The following TBC1D22A variants were observed in gnomAD, a reference collection of about 807,000 sequenced individuals.
TBC1D22A encodes the protein TBC1 domain family member 22A.
Under a neutral mutation model 60.2 loss-of-function variants are expected in TBC1D22A, and 38 were observed. That is an observed-to-expected ratio of 0.63 (90% CI 0.49 to 0.83). TBC1D22A has a LOEUF of 0.83. Among genes scored for constraint, TBC1D22A ranks in the 40% least tolerant of loss-of-function variants. TBC1D22A has a pLI of 0.00. For synonymous variants in TBC1D22A, 302 were observed against 281.7 expected (o/e 1.07, Z -0.72); for missense variants, 628 against 701.0 (o/e 0.90, Z 1.18).
chr22:47,054,286 G>A (rs550616570), intron 11 of TBC1D22A, among the ~76,000 whole-genome samples: 6 of 152,332 alleles, frequency 3.9e-5, no homozygotes, highest in East Asian at 3.9e-4. Context: ...AGTTAGAAAC[G>A]AGTGGACTTG....
At chr22:47,140,075 T>G (rs1182720150) in intron 12 of TBC1D22A, among the ~76,000 whole-genome samples, 6 of 152,232 alleles carry the variant, frequency 3.9e-5, no homozygotes, top group Admixed American at 3.9e-4. Context: ...ACACCCACAG[T>G]GAAGCCCAGC....
chr22:47,019,816 G>A (rs564669609), intron 10 of TBC1D22A, among the ~76,000 whole-genome samples: 2 of 135,100 alleles, frequency 1.5e-5, no homozygotes, highest in East Asian at 4.4e-4. Context: ...TCCATCCTTC[G>A]CTTCTCCCTT....
intron 5 of TBC1D22A, among the ~76,000 whole-genome samples, chr22:46,881,434 C>T (rs975253032): frequency 7.9e-5 from 12 of 152,182 alleles, no homozygotes; most frequent in Non-Finnish European, 1.5e-4. Context: ...TACGTGGAGA[C>T]GGATCCCATT....
intron 10 of TBC1D22A, among the ~76,000 whole-genome samples, chr22:47,003,328 A>C (rs2061455790): frequency 6.6e-6 from 1 of 151,994 alleles, no homozygotes; most frequent in South Asian, 2.1e-4. Flanking sequence ...CCGAGGTTAC[A>C]GATGACAAGA....
chr22:46,841,364 G>C (rs754371416), intron 4 of TBC1D22A, among the ~76,000 whole-genome samples: 13 of 152,218 alleles, frequency 8.5e-5, no homozygotes, highest in Non-Finnish European at 1.8e-4. Context: ...GAGGGCCGTT[G>C]TCAGACACCT....
intron 1 of TBC1D22A, among the ~76,000 whole-genome samples, chr22:46,771,226 G>T (rs903371215): frequency 1.3e-5 from 2 of 152,188 alleles, no homozygotes; most frequent in Non-Finnish European, 1.5e-5. Context: ...AGAGCAGGAG[G>T]AAGTACCCCA....
At chr22:47,124,332 G>A (rs887816353) in intron 12 of TBC1D22A, among the ~76,000 whole-genome samples, 2 of 152,236 alleles carry the variant, frequency 1.3e-5, no homozygotes, top group Non-Finnish European at 2.9e-5. Flanking sequence ...AGGGAGCAGA[G>A]CTTTCCTTGT....
At chr22:47,037,011 C>A in intron 10 of TBC1D22A, 60 bp from the exon 11 acceptor site, 1 of 1,603,124 alleles carries the variant, frequency 6.2e-7, no homozygotes, top group Non-Finnish European at 8.5e-7. Context: ...AGTGACCTGG[C>A]TGCCAGTGCC....
chr22:47,048,066 A>C (rs1424501303), intron 11 of TBC1D22A, among the ~76,000 whole-genome samples: 2 of 152,200 alleles, frequency 1.3e-5, no homozygotes, highest in African/African-American at 4.8e-5. Flanking sequence ...ATGGAGGCTG[A>C]GGTGCCTTCC....
intron 5 of TBC1D22A, among the ~76,000 whole-genome samples, chr22:46,879,054 CA>C (rs2067715379): frequency 1.3e-5 from 2 of 150,628 alleles, no homozygotes; most frequent in Non-Finnish European, 2.9e-5. Flanking sequence ...GGAGTTGAAA[CA>C]GGGAAATATG....
At chr22:47,155,160 G>C (rs1239370599) in intron 12 of TBC1D22A, among the ~76,000 whole-genome samples, 1 of 152,078 alleles carries the variant, frequency 6.6e-6, no homozygotes, top group Admixed American at 6.5e-5. Flanking sequence ...GCTCCATGCC[G>C]AGCCCATGTT....
intron 4 of TBC1D22A, among the ~76,000 whole-genome samples, chr22:46,843,329 A>G (rs2086854703): frequency 6.6e-6 from 1 of 152,058 alleles, no homozygotes; most frequent in Non-Finnish European, 1.5e-5. Flanking sequence ...TTTTTATGAT[A>G]ATAACTCCCC....
At chr22:47,146,662 A>G (rs1427644206) in intron 12 of TBC1D22A, among the ~76,000 whole-genome samples, 1 of 152,214 alleles carries the variant, frequency 6.6e-6, no homozygotes, top group Non-Finnish European at 1.5e-5. Context: ...CAGGACAGGC[A>G]GCGAGATGGT....
rs577650297 is a variant in TBC1D22A, at chr22:46,936,282, C to T, written c.1015+24094C>T. Among the ~76,000 whole-genome samples, 43 of 151,642 alleles carry T rather than the reference C, an allele frequency of 2.8e-4. 1 individual carries two copies. The East Asian group carries it at 7.4e-3, about 26-fold the overall frequency. On this transcript the variant is annotated intron_variant, in intron 8 of 12. Transcript: ENST00000337137. ...GGTCCTCCTGGGGCCAGGCTCCTCG[C>T]GGTTCTGCACGCCCTCTTCCTGGGG...
chr22:47,174,927 T>A lies in TBC1D22A; in HGVS notation c.*1301T>A, dbSNP rs1458527656. 1 of 152,198 alleles carries A rather than the reference T, an allele frequency of 6.6e-6. No individual in the cohort carries two copies. The highest frequency in any genetic ancestry group is 1.5e-5 in the Non-Finnish European group (1 of 68,096). 9.4% of individuals were successfully genotyped at this position (152,198 alleles called of 1,614,324 possible). A position where few individuals can be genotyped will look rare whatever the true frequency, so the allele number is the denominator to read the frequency against. The stretch of plus-strand genomic sequence containing the variant: ...TTCCCTCGGTGTGTCACAGGCTGCA[T>A]GACCCCTGGAATGCGGGCAGGGCCA... On this transcript the variant is annotated 3_prime_UTR_variant, in exon 13 of 13. Transcript: ENST00000337137.
intron 4 of TBC1D22A, among the ~76,000 whole-genome samples, chr22:46,852,766 CT>C (rs1448654725): frequency 6.6e-6 from 1 of 152,204 alleles, no homozygotes; most frequent in Non-Finnish European, 1.5e-5. Context: ...TCCATCTCGC[CT>C]TGTGTAAAGT....
chr22:47,166,017 AG>A (rs2068196516), intron 12 of TBC1D22A, among the ~76,000 whole-genome samples: 1 of 152,224 alleles, frequency 6.6e-6, no homozygotes, highest in South Asian at 2.1e-4. Context: ...TGGGCCTTTT[AG>A]CCCCATCGTG....
chr22:46,922,733 T>C (rs2070828534), intron 8 of TBC1D22A, among the ~76,000 whole-genome samples: 1 of 152,226 alleles, frequency 6.6e-6, no homozygotes, highest in Non-Finnish European at 1.5e-5. Flanking sequence ...GCTCTCAGCT[T>C]GGACATTGTT....
At chr22:46,835,706 G>A (rs1602077008) in intron 4 of TBC1D22A, among the ~76,000 whole-genome samples, 1 of 152,132 alleles carries the variant, frequency 6.6e-6, no homozygotes, top group East Asian at 1.9e-4. Context: ...TTAAATCTGG[G>A]GAGAGAAATA....
Sources: allele counts gnomAD v4.1 joint callset (sites outside exome capture counted in the v4.1 genomes callset), GRCh38; gene constraint gnomAD v4.1.1; transcripts MANE v1.5; gene names NCBI Gene and HGNC (gene_info 2026-07-23, HGNC 2026-07-21).